The following LDB2 variants were observed in gnomAD, a reference collection of about 807,000 sequenced individuals.
LDB2 encodes LIM domain binding 2, also known as LIM domain-binding protein 2.
In LDB2, 12 loss-of-function variants were observed where a neutral mutation model predicts 44.3. The observed-to-expected ratio is 0.27, with a 90% CI of 0.17 to 0.44. The LOEUF (loss-of-function observed/expected upper bound fraction) is 0.44, where lower values mean the gene tolerates loss of function less well. Among genes scored for constraint, LDB2 ranks in the 20% least tolerant of loss-of-function variants. The pLI is 1.00. For synonymous variants in LDB2, 164 were observed against 174.8 expected (o/e 0.94, Z 0.49); for missense variants, 344 against 473.5 (o/e 0.73, Z 2.54).
chr4:16,769,304 A>T (rs563311547), intron 1 of LDB2, among the ~76,000 whole-genome samples: 3,206 of 149,498 alleles, frequency 0.021, 115 homozygotes, highest in African/African-American at 0.075. Flanking sequence ...TTTTATTTTT[A>T]TTTTTTTTTG....
At chr4:16,726,083 A>G (rs1032780615) in intron 2 of LDB2, among the ~76,000 whole-genome samples, 1 of 151,730 alleles carries the variant, frequency 6.6e-6, no homozygotes, top group Non-Finnish European at 1.5e-5. Context: ...TTATTTTAAC[A>G]TTAATTATAA....
At chr4:16,711,128 A>G (rs975171463) in intron 2 of LDB2, among the ~76,000 whole-genome samples, 4 of 152,258 alleles carry the variant, frequency 2.6e-5, no homozygotes, top group African/African-American at 9.6e-5. Context: ...ATGTAAACCT[A>G]TAACTCTGAT....
At chr4:16,698,132 C>T (rs1752622304) in intron 2 of LDB2, among the ~76,000 whole-genome samples, 1 of 152,116 alleles carries the variant, frequency 6.6e-6, no homozygotes, top group Non-Finnish European at 1.5e-5. Context: ...CTGTTTTTGT[C>T]CCTTTGCCTT....
chr4:16,729,481 A>T (rs1228891662), intron 2 of LDB2, among the ~76,000 whole-genome samples: 1 of 152,226 alleles, frequency 6.6e-6, no homozygotes, highest in African/African-American at 2.4e-5. Context: ...ACACCGGCTC[A>T]GCCAGAGAGC....
chr4:16,820,197 CTT>C (rs1422007325), intron 1 of LDB2, among the ~76,000 whole-genome samples: 5 of 152,160 alleles, frequency 3.3e-5, no homozygotes, highest in African/African-American at 1.2e-4. Flanking sequence ...TCGTCTTAGA[CTT>C]TTAAATTTCT....
At chr4:16,849,476 T>C (rs1561434489) in intron 1 of LDB2, among the ~76,000 whole-genome samples, 3 of 152,236 alleles carry the variant, frequency 2.0e-5, no homozygotes, top group Admixed American at 2.0e-4. Flanking sequence ...AGAATGAATG[T>C]CAGTTACACT....
At chr4:16,843,469 T>C (rs907919857) in intron 1 of LDB2, among the ~76,000 whole-genome samples, 6 of 152,216 alleles carry the variant, frequency 3.9e-5, no homozygotes, top group African/African-American at 1.4e-4. Context: ...TTCTTAAATG[T>C]TAAATATTGA....
At chr4:16,558,891 G>A (rs1740889360) in intron 5 of LDB2, among the ~76,000 whole-genome samples, 1 of 152,204 alleles carries the variant, frequency 6.6e-6, no homozygotes, top group Non-Finnish European at 1.5e-5. Context: ...CCAGAAGAGA[G>A]TGGGGGCCAA....
At chr4:16,793,257 T>C (rs1355457119) in intron 1 of LDB2, among the ~76,000 whole-genome samples, 1 of 152,156 alleles carries the variant, frequency 6.6e-6, no homozygotes, top group Non-Finnish European at 1.5e-5. Flanking sequence ...GTTTAGGAGA[T>C]TATATGCAGC....
intron 1 of LDB2, among the ~76,000 whole-genome samples, chr4:16,885,569 G>A (rs1012209437): frequency 2.0e-5 from 3 of 152,120 alleles, no homozygotes; most frequent in Admixed American, 2.0e-4. Context: ...TTAAAGACGT[G>A]TCCTTCAGAG....
chr4:16,651,669 G>A (rs954658675), intron 2 of LDB2, among the ~76,000 whole-genome samples: 8 of 151,948 alleles, frequency 5.3e-5, no homozygotes, highest in Non-Finnish European at 1.2e-4. Context: ...CAATAAATGT[G>A]CAGTCTTTCC....
chr4:16,558,700 A>G (rs1560469273), intron 5 of LDB2, among the ~76,000 whole-genome samples: 2 of 152,170 alleles, frequency 1.3e-5, no homozygotes, highest in Admixed American at 6.5e-5. Flanking sequence ...GATTCAGGAA[A>G]TACAGAGAAC....
intron 1 of LDB2, among the ~76,000 whole-genome samples, chr4:16,798,413 T>C (rs907775886): frequency 6.6e-6 from 1 of 152,112 alleles, no homozygotes; most frequent in Non-Finnish European, 1.5e-5. Context: ...AAAGCAGCAA[T>C]AGGACCCTGA....
chr4:16,586,542 C>A (rs368379370), intron 4 of LDB2, among the ~76,000 whole-genome samples: 1 of 135,528 alleles, frequency 7.4e-6, no homozygotes, highest in African/African-American at 2.7e-5. Flanking sequence ...CACACACACA[C>A]ACACACACAT....
chr4:16,559,208 A>T (rs1741052150), intron 5 of LDB2, among the ~76,000 whole-genome samples: 1 of 152,330 alleles, frequency 6.6e-6, no homozygotes, highest in African/African-American at 2.4e-5. Context: ...AAATTCACAC[A>T]TAACAATATT....
intron 2 of LDB2, among the ~76,000 whole-genome samples, chr4:16,640,356 T>C (rs954950988): frequency 3.3e-5 from 5 of 152,176 alleles, no homozygotes; most frequent in Non-Finnish European, 7.3e-5. Context: ...CCTTAGATAG[T>C]TAGTGGATTA....
chr4:16,742,069 CTTTTCTT>C (rs1005128202), intron 2 of LDB2, among the ~76,000 whole-genome samples: 6 of 138,346 alleles, frequency 4.3e-5, no homozygotes, highest in African/African-American at 1.7e-4. Context: ...TTTTTCTTTT[CTTTTCTT>C]TTTTTTTTTT....
In LDB2 at chr4:16,540,227, A is replaced by C. The variant is rs567042766; in HGVS notation, c.616-28123T>G. Among the ~76,000 whole-genome samples, 3 of 152,026 alleles carry C rather than the reference A, an allele frequency of 2.0e-5. No individual in the cohort carries two copies. In the South Asian group the frequency reaches 6.2e-4, roughly 32 times the overall value. ...AACATGAGATTTGGGTGGGGACACA[A>C]ATCCAAACCATATCAGTGGGCTTGG... On this transcript the variant is annotated intron_variant, in intron 5 of 7. Coordinates refer to ENST00000304523, the MANE Select transcript of LDB2 (RefSeq NM_001290.5).
rs147090288 is a variant in LDB2, at chr4:16,653,137, C to T, written c.236-57262G>A. Among the ~76,000 whole-genome samples the T allele has an allele frequency of 2.3e-3, 353 of 152,236 alleles. 3 individuals are homozygous for T. Among genetic ancestry groups the T allele is most frequent in the African/African-American group, 8.1e-3 (335 of 41,544 alleles). The stretch of plus-strand genomic sequence containing the variant: ...CAGCTTGAGCAAGTTGTTGCAGGGG[C>T]CCTGCAGCTGATAGAGCCACCGGGT... On this transcript the variant is annotated intron_variant, in intron 2 of 7. Transcript: ENST00000304523.
Sources: gnomAD v4.1 joint callset for allele counts (sites outside exome capture counted in the v4.1 genomes callset) on GRCh38, gnomAD v4.1.1 for gene constraint, MANE v1.5 for transcripts, NCBI Gene and HGNC (gene_info 2026-07-23, HGNC 2026-07-21) for gene names.